The following COX7B2 variants were observed in gnomAD, a reference collection of about 807,000 sequenced individuals.
COX7B2 encodes the protein cytochrome c oxidase subunit 7B2, also known as cytochrome c oxidase subunit 7B2, mitochondrial.
For synonymous variants in COX7B2, 37 were observed against 32.1 expected, an observed-to-expected ratio of 1.15 and a Z score of -0.51; for missense variants, 109 against 95.9, an observed-to-expected ratio of 1.14 and a Z score of -0.57.
At chr4:46,860,150 T>C (rs986231803) in intron 1 of COX7B2, among the ~76,000 whole-genome samples, 2 of 152,080 alleles carry the variant, frequency 1.3e-5, no homozygotes, top group Non-Finnish European at 2.9e-5. Context: ...AATAGAAGGT[T>C]AGAAGATGGT....
chr4:46,906,767 A>T (rs534482424), intron 1 of COX7B2, among the ~76,000 whole-genome samples: 2 of 152,332 alleles, frequency 1.3e-5, no homozygotes, highest in East Asian at 3.9e-4. Flanking sequence ...CCTGAGACAA[A>T]TAGTTCCATG....
intron 2 of COX7B2, among the ~76,000 whole-genome samples, chr4:46,742,870 A>G (rs990542174): frequency 6.6e-6 from 1 of 152,144 alleles, no homozygotes; most frequent in African/African-American, 2.4e-5. Flanking sequence ...TTTCTATCCC[A>G]TATGGAGTGT....
intron 2 of COX7B2, among the ~76,000 whole-genome samples, chr4:46,833,104 C>T (rs935642648): frequency 1.4e-4 from 22 of 152,120 alleles, no homozygotes; most frequent in African/African-American, 5.3e-4. Flanking sequence ...GGGATTTCTC[C>T]ATGTTGGTCA....
At chr4:46,803,825 A>G (rs775681813) in intron 2 of COX7B2, among the ~76,000 whole-genome samples, 9 of 150,922 alleles carry the variant, frequency 6.0e-5, no homozygotes, top group Non-Finnish European at 8.8e-5. Flanking sequence ...CCCCAACCTA[A>G]TATTTTAAAA....
intron 2 of COX7B2, among the ~76,000 whole-genome samples, chr4:46,798,760 C>G (rs1426016144): frequency 1.3e-5 from 2 of 152,268 alleles, no homozygotes; most frequent in South Asian, 2.1e-4. Flanking sequence ...TAGCAACACT[C>G]TATCATCCAA....
intron 1 of COX7B2, among the ~76,000 whole-genome samples, chr4:46,880,993 T>TAAAAAAAAAAAAAAAA (rs1215385422): frequency 3.1e-4 from 32 of 102,752 alleles, no homozygotes; most frequent in Middle Eastern, 6.3e-3. Context: ...TAGAGTATAA[T>TAAAAAAAAAAAAAAAA]AAAAAAAAAA....
intron 2 of COX7B2, among the ~76,000 whole-genome samples, chr4:46,748,541 G>T (rs552841275): frequency 6.6e-6 from 1 of 152,246 alleles, no homozygotes; most frequent in Non-Finnish European, 1.5e-5. Context: ...TGAACTTCCA[G>T]TCACTCTTCT....
At chr4:46,809,712 G>A (rs1348629753) in intron 2 of COX7B2, among the ~76,000 whole-genome samples, 1 of 151,850 alleles carries the variant, frequency 6.6e-6, no homozygotes, top group Non-Finnish European at 1.5e-5. Context: ...TGGAAAAAAT[G>A]TCTATTTTTC....
intron 1 of COX7B2, among the ~76,000 whole-genome samples, chr4:46,874,182 C>T (rs575280413): frequency 6.6e-6 from 1 of 151,832 alleles, no homozygotes; most frequent in Admixed American, 6.6e-5. Context: ...CCTTGAAGAC[C>T]AAAATACATG....
chr4:46,792,141 G>A (rs1718082299), intron 2 of COX7B2, among the ~76,000 whole-genome samples: 1 of 152,096 alleles, frequency 6.6e-6, no homozygotes, highest in Admixed American at 6.6e-5. Context: ...AAAACCTATT[G>A]GATTGCCTAA....
chr4:46,762,761 A>G (rs942036332), intron 2 of COX7B2, among the ~76,000 whole-genome samples: 4 of 147,858 alleles, frequency 2.7e-5, no homozygotes, highest in African/African-American at 9.9e-5. Context: ...TTAGACTACA[A>G]TAGATGTTAT....
chr4:46,907,037 A>T (rs11732290), intron 1 of COX7B2, among the ~76,000 whole-genome samples: 37,993 of 152,122 alleles, frequency 0.25, 4,903 homozygotes, highest in East Asian at 0.29. Flanking sequence ...ATCCCTTAAC[A>T]GTGACTTCTT....
intron 1 of COX7B2, among the ~76,000 whole-genome samples, chr4:46,853,384 T>A (rs1220464409): frequency 6.6e-6 from 1 of 152,186 alleles, no homozygotes; most frequent in African/African-American, 2.4e-5. Context: ...GTCAGAAATC[T>A]GACTCTCATC....
At chr4:46,887,861 T>A (rs4560384) in intron 1 of COX7B2, among the ~76,000 whole-genome samples, 77,817 of 151,726 alleles carry the variant, frequency 0.51, 20,162 homozygotes, top group East Asian at 0.67. Context: ...AAGCAGCCTC[T>A]AAAATGAAAA....
chr4:46,798,461 C>A (rs945377240), intron 2 of COX7B2, among the ~76,000 whole-genome samples: 1 of 152,156 alleles, frequency 6.6e-6, no homozygotes, highest in African/African-American at 2.4e-5. Context: ...CCATATAACC[C>A]AGCATACCCT....
intron 2 of COX7B2, among the ~76,000 whole-genome samples, chr4:46,829,509 T>C (rs1231579485): frequency 2.0e-5 from 3 of 152,198 alleles, no homozygotes; most frequent in Non-Finnish European, 4.4e-5. Context: ...TCTTAAAGCA[T>C]GTCATCATGA....
intron 2 of COX7B2, among the ~76,000 whole-genome samples, chr4:46,838,308 T>C (rs1363962287): frequency 1.3e-5 from 2 of 152,100 alleles, no homozygotes; most frequent in Non-Finnish European, 2.9e-5. Flanking sequence ...TTAAATCATC[T>C]GTAATATTAT....
chr4:46,899,786 T>A (rs1158217977), intron 1 of COX7B2, among the ~76,000 whole-genome samples: 1 of 152,182 alleles, frequency 6.6e-6, no homozygotes, highest in African/African-American at 2.4e-5. Context: ...TTTGACATCT[T>A]AAAATAATAA....
intron 2 of COX7B2, among the ~76,000 whole-genome samples, chr4:46,739,415 G>A (rs1422603059): frequency 1.3e-5 from 2 of 152,024 alleles, no homozygotes; most frequent in Admixed American, 6.6e-5. Flanking sequence ...ATGGTTCACA[G>A]TACTTTGCTA....
Sources: allele counts gnomAD v4.1 joint callset (sites outside exome capture counted in the v4.1 genomes callset), GRCh38; gene constraint gnomAD v4.1.1; transcripts MANE v1.5; gene names NCBI Gene and HGNC (gene_info 2026-07-23, HGNC 2026-07-21).